Variants in S100Z observed in about 807,000 individuals in gnomAD.
The protein encoded by S100Z is protein S100-Z.
A neutral mutation model predicts 8.5 loss-of-function variants in S100Z; 11 were observed. The observed-to-expected ratio is 1.30, with a 90% CI of 0.82 to 2.15. The LOEUF (loss-of-function observed/expected upper bound fraction) is 2.15, where lower values mean the gene tolerates loss of function less well. Among genes scored for constraint, S100Z ranks in the 30% most tolerant of loss-of-function variants. S100Z has a pLI of 0.00. For missense variants in S100Z, 126 were observed against 117.9 expected, an observed-to-expected ratio of 1.07 and a Z score of -0.32; for synonymous variants, 34 against 43.8, an observed-to-expected ratio of 0.78 and a Z score of 0.89.
At chr5:76,933,246 T>C in the S100Z span, among the ~76,000 whole-genome samples, 1 of 152,198 alleles carries the variant, frequency 6.6e-6, no homozygotes, top group Non-Finnish European at 1.5e-5. Context: ...CTCTACTGTG[T>C]TGCTGGGTGG....
chr5:76,872,860 C>A (rs1743056448), intron 2 of S100Z, among the ~76,000 whole-genome samples: 1 of 151,982 alleles, frequency 6.6e-6, no homozygotes, highest in Non-Finnish European at 1.5e-5. Context: ...GTAGTCCCAG[C>A]TACTTGGGAG....
At chr5:76,882,374 C>T (rs1241976177) in intron 4 of S100Z, among the ~76,000 whole-genome samples, 1 of 152,112 alleles carries the variant, frequency 6.6e-6, no homozygotes, top group Non-Finnish European at 1.5e-5. Flanking sequence ...TGCACTTTGG[C>T]TGTGTGTAAT....
chr5:76,863,658 C>A lies in S100Z; in HGVS notation c.-175-6508C>A, dbSNP rs964762005. On this transcript the variant is annotated intron_variant, in intron 1 of 4. Coordinates refer to ENST00000317593, the MANE Select transcript of S100Z (RefSeq NM_130772.4). ...GGTTCACGCCATTCTCCTGCCTCAG[C>A]CTCCCAAGTAGCTGGGACTACAGGC... is the stretch of plus-strand genomic sequence containing the variant. Among the ~76,000 whole-genome samples the A allele has an allele frequency of 1.4e-4, 22 of 152,184 alleles. No individual in the cohort carries two copies. In the South Asian group the frequency reaches 1.7e-3, roughly 11 times the overall value.
chr5:76,921,821 C>G (rs1444253733), downstream of S100Z, among the ~76,000 whole-genome samples: 2 of 152,044 alleles, frequency 1.3e-5, no homozygotes, highest in Non-Finnish European at 2.9e-5. Context: ...AACCCCAACT[C>G]TACTAAAAAT....
At chr5:76,874,212 T>TC (rs1554036745) in intron 2 of S100Z, among the ~76,000 whole-genome samples, 52 of 151,372 alleles carry the variant, frequency 3.4e-4, no homozygotes, top group African/African-American at 1.2e-3. Flanking sequence ...TTTTTTTTTT[T>TC]CAACTGTCCT....
At chr5:76,873,200 CA>C (rs1456723222) in intron 2 of S100Z, among the ~76,000 whole-genome samples, 2 of 151,932 alleles carry the variant, frequency 1.3e-5, no homozygotes, top group African/African-American at 4.8e-5. Context: ...GAAAAATTTA[CA>C]AAGGGTAATT....
intron 4 of S100Z, among the ~76,000 whole-genome samples, chr5:76,899,952 C>T (rs571741443): frequency 6.6e-6 from 1 of 152,288 alleles, no homozygotes; most frequent in East Asian, 1.9e-4. Context: ...AATCCCCCAG[C>T]TTTTGTTTGG....
the S100Z span, among the ~76,000 whole-genome samples, chr5:76,946,181 G>T: frequency 2.6e-5 from 4 of 152,032 alleles, no homozygotes; most frequent in African/African-American, 7.3e-5. Context: ...CGATAATCTG[G>T]GTAGATAGAT....
intron 1 of S100Z, among the ~76,000 whole-genome samples, chr5:76,850,962 G>A (rs1052257121): frequency 2.6e-5 from 4 of 152,134 alleles, no homozygotes; most frequent in Non-Finnish European, 5.9e-5. Context: ...CCGCTCCCCA[G>A]CCTCCTCATG....
At chr5:76,869,546 C>T (rs949895825) in intron 1 of S100Z, among the ~76,000 whole-genome samples, 4 of 152,066 alleles carry the variant, frequency 2.6e-5, no homozygotes, top group Admixed American at 6.6e-5. Context: ...TGGCCAGGAG[C>T]GTGGGTGTTG....
At chr5:76,934,907 C>G in the S100Z span, among the ~76,000 whole-genome samples, 1 of 152,298 alleles carries the variant, frequency 6.6e-6, no homozygotes, top group East Asian at 1.9e-4. Context: ...TTGTTGGGGT[C>G]TCCTGGAGGG....
chr5:76,901,084 C>T (rs1315379256), intron 4 of S100Z, among the ~76,000 whole-genome samples: 2 of 152,240 alleles, frequency 1.3e-5, no homozygotes, highest in Admixed American at 6.5e-5. Context: ...TACAGAGTCT[C>T]TCTCTCTCTG....
intron 2 of S100Z, among the ~76,000 whole-genome samples, chr5:76,871,591 T>G (rs993470797): frequency 6.6e-6 from 1 of 151,058 alleles, no homozygotes; most frequent in African/African-American, 2.4e-5. Context: ...GGCATGATCT[T>G]GGCTCACTGC....
At chr5:76,863,614 C>A (rs1175415792) in intron 1 of S100Z, among the ~76,000 whole-genome samples, 1 of 152,148 alleles carries the variant, frequency 6.6e-6, no homozygotes, top group East Asian at 1.9e-4. Context: ...TCTCGGCTCA[C>A]TGCAAGCTCC....
the S100Z span, among the ~76,000 whole-genome samples, chr5:76,948,500 A>C: frequency 5.9e-5 from 9 of 152,190 alleles, no homozygotes; most frequent in African/African-American, 2.2e-4. Flanking sequence ...CTATTAAGTC[A>C]TTTTAAAAAT....
intron 1 of S100Z, among the ~76,000 whole-genome samples, chr5:76,863,531 GTTTTA>G (rs956946479): frequency 2.8e-4 from 42 of 152,118 alleles, no homozygotes; most frequent in African/African-American, 5.5e-4. Flanking sequence ...CTCTTATTTT[GTTTTA>G]TTTTATTTTA....
chr5:76,943,094 T>TG, the S100Z span, among the ~76,000 whole-genome samples: 11 of 151,936 alleles, frequency 7.2e-5, no homozygotes, highest in African/African-American at 1.7e-4. Flanking sequence ...TGTGCCACAG[T>TG]GGGGGGGTTC....
At chr5:76,913,734 C>T (rs769086077) in intron 4 of S100Z, among the ~76,000 whole-genome samples, 4 of 152,234 alleles carry the variant, frequency 2.6e-5, no homozygotes, top group Non-Finnish European at 5.9e-5. Flanking sequence ...TCTCCAAAAC[C>T]GCAGAGGCGT....
At chr5:76,871,473 T>G (rs1743006885) in intron 2 of S100Z, among the ~76,000 whole-genome samples, 3 of 152,076 alleles carry the variant, frequency 2.0e-5, no homozygotes, top group Admixed American at 2.0e-4. Context: ...CTTCAAGTCT[T>G]TAGACAACAA....
Sources: gnomAD v4.1 joint callset for allele counts (sites outside exome capture counted in the v4.1 genomes callset) on GRCh38, gnomAD v4.1.1 for gene constraint, MANE v1.5 for transcripts, NCBI Gene and HGNC (gene_info 2026-07-23, HGNC 2026-07-21) for gene names.